The following LAMB1 variants were observed in gnomAD, a reference collection of about 807,000 sequenced individuals.
The protein encoded by LAMB1 is laminin subunit beta-1.
In LAMB1, 121 loss-of-function variants were observed where a neutral mutation model predicts 222.3. The observed-to-expected ratio is 0.54, with a 90% CI of 0.47 to 0.63. The LOEUF (loss-of-function observed/expected upper bound fraction) is 0.63. Among genes scored for constraint, LAMB1 ranks in the 30% least tolerant of loss-of-function variants. The pLI is 0.00. For synonymous variants in LAMB1, 794 were observed against 807.2 expected, an observed-to-expected ratio of 0.98 and a Z score of 0.28; for missense variants, 2,172 against 2,240.8, an observed-to-expected ratio of 0.97 and a Z score of 0.62.
intron 24 of LAMB1, among the ~76,000 whole-genome samples, chr7:107,943,700 C>G (rs1291404227): frequency 6.6e-6 from 1 of 152,138 alleles, no homozygotes; most frequent in Non-Finnish European, 1.5e-5. Context: ...CTATCACGTT[C>G]CCAGGAGATA....
At position 107,931,347 on chromosome 7, in the gene LAMB1, A is replaced by AT. The variant is rs1463728923; in HGVS notation, c.4537+8dup. The AT allele has an allele frequency of 5.0e-6, 8 of 1,609,138 alleles. No individual in the cohort carries two copies. On this transcript the variant is annotated intron_variant, in intron 29 of 33. Coordinates refer to ENST00000222399, the MANE Select transcript of LAMB1 (RefSeq NM_002291.3). ...AAATGTCTAAAAGTAAAATGAAAAA[A>AT]TTTCTTACGGGTCAAAAAGTTTCTG... is the stretch of plus-strand genomic sequence containing the variant.
chr7:108,000,726 TG>T (rs1249069283), intron 3 of LAMB1, among the ~76,000 whole-genome samples: 1 of 151,906 alleles, frequency 6.6e-6, no homozygotes, highest in Non-Finnish European at 1.5e-5. Context: ...AAAAATTTTT[TG>T]TAGAGACTGA....
intron 7 of LAMB1, among the ~76,000 whole-genome samples, chr7:107,981,194 C>T (rs1050105774): frequency 6.6e-6 from 1 of 152,080 alleles, no homozygotes; most frequent in South Asian, 2.1e-4. Flanking sequence ...CACCTGTATT[C>T]CCAGCATTTT....
At chr7:107,963,270 G>A (rs781692819) in intron 14 of LAMB1, among the ~76,000 whole-genome samples, 99 of 152,184 alleles carry the variant, frequency 6.5e-4, no homozygotes, top group Non-Finnish European at 1.1e-3. Flanking sequence ...TGTGGTTGGA[G>A]CAGTCTTGGG....
intron 32 of LAMB1, among the ~76,000 whole-genome samples, chr7:107,925,203 A>T (rs2032532152): frequency 6.6e-6 from 1 of 152,110 alleles, no homozygotes; most frequent in Non-Finnish European, 1.5e-5. Flanking sequence ...ACTTCCAGAA[A>T]ATTTTTGAAT....
intron 24 of LAMB1, among the ~76,000 whole-genome samples, chr7:107,947,548 C>T (rs1239019989): frequency 6.6e-6 from 1 of 152,184 alleles, no homozygotes; most frequent in African/African-American, 2.4e-5. Context: ...TAACCAAGAG[C>T]CTTGTCTGCC....
chr7:108,000,438 G>T (rs192622417), intron 3 of LAMB1, among the ~76,000 whole-genome samples: 16 of 152,316 alleles, frequency 1.1e-4, no homozygotes, highest in African/African-American at 3.8e-4. Flanking sequence ...AAGGGCAATT[G>T]TACAGGTGGG....
At chr7:107,957,984 T>A (rs975634621) in intron 20 of LAMB1, among the ~76,000 whole-genome samples, 4 of 152,214 alleles carry the variant, frequency 2.6e-5, no homozygotes, top group Non-Finnish European at 4.4e-5. Flanking sequence ...TCTGACATGA[T>A]GTTCGTTCAA....
chr7:107,939,800 G>A (rs1283863104), intron 25 of LAMB1, among the ~76,000 whole-genome samples, 189 bp downstream of exon 25: 3 of 152,176 alleles, frequency 2.0e-5, no homozygotes, highest in Non-Finnish European at 4.4e-5. Flanking sequence ...GGTCCCCACT[G>A]ATGTGCCAAC....
intron 30 of LAMB1, 92 bp downstream of exon 30, chr7:107,929,320 T>G: frequency 6.7e-7 from 1 of 1,499,750 alleles, no homozygotes; most frequent in Non-Finnish European, 9.2e-7. Context: ...CTCGCATAGG[T>G]CCTTCTTAGA....
intron 21 of LAMB1, 142 bp downstream of exon 21, chr7:107,955,325 G>C (rs993894291): frequency 1.5e-5 from 11 of 711,020 alleles, no homozygotes; most frequent in Non-Finnish European, 2.1e-5. Context: ...AATAGGAAAA[G>C]AGCATCTTTT....
intron 22 of LAMB1, among the ~76,000 whole-genome samples, chr7:107,952,742 A>T (rs1253991005): frequency 6.6e-6 from 1 of 152,208 alleles, no homozygotes; most frequent in Non-Finnish European, 1.5e-5. Flanking sequence ...CTGCAGCAAG[A>T]GGAAATGCTA....
chr7:107,935,262 C>T lies in LAMB1; in HGVS notation c.4188+153G>A. On this transcript the variant is annotated intron_variant, in intron 27 of 33. Transcript: ENST00000222399. ...GTTACAGATACCCCATTCCAGGATC[C>T]AGAGACCTCAGCCTAGGAGTTTCAG... The T allele has an allele frequency of 5.1e-6, 6 of 1,168,654 alleles. No individual in the cohort carries two copies. In the South Asian group the frequency reaches 9.3e-5, roughly 18 times the overall value. 72.4% of individuals were successfully genotyped at this position (1,168,654 alleles called of 1,614,324 possible). A position where few individuals can be genotyped will look rare whatever the true frequency, so the allele number is the denominator to read the frequency against.
At chr7:107,969,917 C>T (rs1013445184) in intron 13 of LAMB1, among the ~76,000 whole-genome samples, 2 of 152,172 alleles carry the variant, frequency 1.3e-5, no homozygotes, top group African/African-American at 4.8e-5. Context: ...TTATAATTAA[C>T]AAAGGGTTAG....
rs139955747 is a variant in LAMB1, at chr7:107,951,317, C to G, written c.3300G>C (p.Thr1100=). The change falls in exon 24 of 34, where the codon ACG becomes ACC. Residue 1100 remains threonine (T), a synonymous_variant. Transcript: ENST00000222399. The stretch of plus-strand genomic sequence containing the variant: ...ACCCAGGCATGCACTGGCACTGCCC[C>G]GTGAACTGCGGCCAGAACACAGACC... ...HSFGPSCNEF[T]GQCQCMPGFG... is the part of the protein sequence containing the mutation. The G allele has an allele frequency of 0.011, 17,000 of 1,613,992 alleles. 102 individuals are homozygous for G. Among genetic ancestry groups the G allele is most frequent in the Non-Finnish European group, 0.013 (15,374 of 1,179,900 alleles).
intron 27 of LAMB1, among the ~76,000 whole-genome samples, chr7:107,933,506 C>A (rs1214721252): frequency 2.0e-5 from 3 of 151,792 alleles, no homozygotes; most frequent in Non-Finnish European, 4.4e-5. Context: ...AAACATGAGT[C>A]TTAAGAACAT....
Position 107,926,179 on chromosome 7 carries a change from G to A in LAMB1, c.5064+4C>T, listed in dbSNP as rs200547006. The stretch of plus-strand genomic sequence containing the variant: ...TAGCTCTGAAATTACAAAGATTTAC[G>A]TACCTTCTTAACATCTTCTGCACTT... On this transcript the variant is annotated splice_donor_region_variant and intron_variant, in intron 32 of 33. Transcript: ENST00000222399. 25 of 1,609,300 alleles carry A rather than the reference G, an allele frequency of 1.6e-5. No homozygotes were observed. The highest frequency in any genetic ancestry group is 1.3e-4 in the African/African-American group (10 of 74,916).
chr7:107,969,262 T>C (rs1584516588), intron 13 of LAMB1, among the ~76,000 whole-genome samples: 1 of 141,294 alleles, frequency 7.1e-6, no homozygotes, highest in Non-Finnish European at 1.5e-5. Context: ...CACTCCAGCC[T>C]GGGCGACAGA....
intron 24 of LAMB1, 49 bp downstream of exon 24, chr7:107,951,177 G>A: frequency 7.2e-7 from 1 of 1,397,536 alleles, no homozygotes; most frequent in Non-Finnish European, 1.0e-6. Flanking sequence ...TAGAACCCCA[G>A]TTCCCTCCAC....
Sources: gnomAD v4.1 joint callset for allele counts (sites outside exome capture counted in the v4.1 genomes callset) on GRCh38, gnomAD v4.1.1 for gene constraint, MANE v1.5 for transcripts, NCBI Gene and HGNC (gene_info 2026-07-23, HGNC 2026-07-21) for gene names.